Variants in CAPS2 observed in about 807,000 individuals in gnomAD.
The protein encoded by CAPS2 is calcyphosine 2.
In CAPS2, 98 loss-of-function variants were observed where a neutral mutation model predicts 86.5. The ratio of observed to expected loss-of-function variants is 1.13; its 90% CI spans 0.96 to 1.34. CAPS2 has a LOEUF of 1.34. Among genes scored for constraint, CAPS2 ranks in the 40% most tolerant of loss-of-function variants. The pLI, the probability that CAPS2 is intolerant of heterozygous loss-of-function variation, is 0.00. For synonymous variants in CAPS2, 210 were observed against 225.1 expected (o/e 0.93, Z 0.60); for missense variants, 729 against 686.8 (o/e 1.06, Z -0.69).
chr12:75,290,128 A>G (rs2035585299), intron 13 of CAPS2, among the ~76,000 whole-genome samples: 1 of 152,132 alleles, frequency 6.6e-6, no homozygotes, highest in African/African-American at 2.4e-5. Flanking sequence ...ACCACCCCAT[A>G]TCTTTAATCT....
Position 75,369,766 on chromosome 12 carries a change from A to G in CAPS2, c.-395+21072T>C, listed in dbSNP as rs908503526. Reference sequence around the variant, plus strand: ...AGGTGTTTTAGAAATATTTGTTGACATAACACTGTTGGTAGGAAGCATCGT... The same window carrying G: ...AGGTGTTTTAGAAATATTTGTTGACGTAACACTGTTGGTAGGAAGCATCGT... On this transcript the variant is annotated intron_variant, in intron 1 of 5. Transcript: ENST00000551829. The G allele has an allele frequency of 2.3e-5, 23 of 984,664 alleles. No individual in the cohort carries two copies. The Admixed American group carries it at 3.7e-4, about 16-fold the overall frequency. The allele number at this position is 984,664 out of a possible 1,614,324, so 61.0% of individuals were successfully genotyped here.
intron 16 of CAPS2, among the ~76,000 whole-genome samples, chr12:75,281,876 TC>T (rs1367379654): frequency 6.6e-6 from 1 of 152,110 alleles, no homozygotes; most frequent in Non-Finnish European, 1.5e-5. Flanking sequence ...AGAAAGACAC[TC>T]CTTCATTCTG....
intron 1 of CAPS2, among the ~76,000 whole-genome samples, chr12:75,342,061 C>A (rs2042160253): frequency 6.6e-6 from 1 of 152,086 alleles, no homozygotes; most frequent in Non-Finnish European, 1.5e-5. Context: ...ATACAACATT[C>A]TTGAAATAAC....
chr12:75,298,174 C>T (rs1019015218), intron 11 of CAPS2: 2 of 156,456 alleles, frequency 1.3e-5, no homozygotes, highest in African/African-American at 4.8e-5. Flanking sequence ...CAAACTGTAA[C>T]ATTATCTATG....
At chr12:75,366,176 T>C (rs1468287104) in intron 1 of CAPS2, among the ~76,000 whole-genome samples, 2 of 152,180 alleles carry the variant, frequency 1.3e-5, no homozygotes, top group African/African-American at 4.8e-5. Context: ...TAAGCCAGTT[T>C]GGTACCTTGT....
At chr12:75,298,438 C>A in intron 11 of CAPS2, 1 of 462,140 alleles carries the variant, frequency 2.2e-6, no homozygotes, top group East Asian at 3.1e-5. Flanking sequence ...TGGAGACAAC[C>A]CATGTTGTGG....
chr12:75,350,833 G>T (rs1385178167), intron 1 of CAPS2, among the ~76,000 whole-genome samples: 2 of 152,180 alleles, frequency 1.3e-5, no homozygotes, highest in Non-Finnish European at 2.9e-5. Flanking sequence ...GCACAGAACT[G>T]GGATGAGGCT....
chr12:75,387,640 G>A (rs2045359770), intron 1 of CAPS2, among the ~76,000 whole-genome samples: 1 of 152,118 alleles, frequency 6.6e-6, no homozygotes, highest in African/African-American at 2.4e-5. Flanking sequence ...CAAAGTCAAG[G>A]GGCCATATCT....
intron 1 of CAPS2, among the ~76,000 whole-genome samples, chr12:75,383,745 T>A (rs1045926490): frequency 6.6e-6 from 1 of 152,160 alleles, no homozygotes; most frequent in Non-Finnish European, 1.5e-5. Flanking sequence ...CGAGCTCATA[T>A]GAAACATTTA....
At chr12:75,341,511 G>C (rs902245255) in intron 1 of CAPS2, among the ~76,000 whole-genome samples, 1 of 151,902 alleles carries the variant, frequency 6.6e-6, no homozygotes, top group African/African-American at 2.4e-5. Flanking sequence ...CAGTGGCGCT[G>C]TCTCGGCTCA....
chr12:75,344,071 A>G lies in CAPS2; in HGVS notation c.-394-20849T>C. The G allele has an allele frequency of 6.1e-6, 4 of 651,192 alleles. No individual in the cohort carries two copies. The South Asian group carries it at 9.2e-5, about 15-fold the overall frequency. 40.3% of individuals were successfully genotyped at this position (651,192 alleles called of 1,614,324 possible). On this transcript the variant is annotated intron_variant, in intron 1 of 5. Transcript: ENST00000551829. ...ATTTTTTCCTTTATCATAGGTCTTG[A>G]GCAATTTAATAATAATATACCAAAG...
At chr12:75,329,075 T>G (rs2139130927), upstream of CAPS2, among the ~76,000 whole-genome samples, 1 of 152,330 alleles carries the variant, frequency 6.6e-6, no homozygotes, top group East Asian at 1.9e-4. Flanking sequence ...TGTACTTCGC[T>G]AAATGTTTGC....
chr12:75,343,593 AAAT>A lies in CAPS2; in HGVS notation c.-394-20374_-394-20372del, dbSNP rs2042257767. 9 of 904,114 alleles carry A rather than the reference AAAT, an allele frequency of 1.0e-5. No individual in the cohort carries two copies. In the South Asian group the frequency reaches 1.8e-4, roughly 18 times the overall value. The allele number at this position is 904,114 out of a possible 1,614,324, so 56.0% of individuals were successfully genotyped here. On this transcript the variant is annotated intron_variant, in intron 1 of 5. Coordinates refer to the CAPS2 transcript ENST00000551829. ...ACCAAAGAAAAACTACATCTTATTAAAATAATAAATTTAAGCAAAACTTAGTTG... is the reference window on the plus strand; with the variant it reads ...ACCAAAGAAAAACTACATCTTATTAAAATAAATTTAAGCAAAACTTAGTTG...
intron 1 of CAPS2, among the ~76,000 whole-genome samples, chr12:75,380,039 A>G (rs2044873785): frequency 6.6e-6 from 1 of 152,010 alleles, no homozygotes; most frequent in Non-Finnish European, 1.5e-5. Flanking sequence ...TGTATTATGT[A>G]TATTTTTATA....
At chr12:75,301,038 A>C (rs927624473) in intron 8 of CAPS2, among the ~76,000 whole-genome samples, 3 of 152,244 alleles carry the variant, frequency 2.0e-5, no homozygotes, top group Non-Finnish European at 4.4e-5. Flanking sequence ...GCCTTCAGAC[A>C]GTACTGAATG....
intron 8 of CAPS2, among the ~76,000 whole-genome samples, chr12:75,302,997 A>C (rs2038001044): frequency 6.6e-6 from 1 of 152,236 alleles, no homozygotes; most frequent in African/African-American, 2.4e-5. Context: ...ATGGATACTA[A>C]GTGGTCCAAC....
At chr12:75,324,643 G>T (rs12318506) in intron 2 of CAPS2, among the ~76,000 whole-genome samples, 12,910 of 151,940 alleles carry the variant, frequency 0.085, 767 homozygotes, top group African/African-American at 0.18. Flanking sequence ...TTGATCTTCA[G>T]AAATGTCAAT....
chr12:75,322,424 G>A (rs1379727225), intron 4 of CAPS2, among the ~76,000 whole-genome samples: 1 of 152,120 alleles, frequency 6.6e-6, no homozygotes, highest in Non-Finnish European at 1.5e-5. Flanking sequence ...CACAGGAGAA[G>A]GATGAAGCAA....
At chr12:75,314,037 A>C (rs1314520933) in intron 6 of CAPS2, among the ~76,000 whole-genome samples, 1 of 152,094 alleles carries the variant, frequency 6.6e-6, no homozygotes, top group African/African-American at 2.4e-5. Context: ...CTCATGCCTC[A>C]ACTTCCCGAG....
Sources: gnomAD v4.1 joint callset for allele counts (sites outside exome capture counted in the v4.1 genomes callset) on GRCh38, gnomAD v4.1.1 for gene constraint, MANE v1.5 for transcripts, NCBI Gene and HGNC (gene_info 2026-07-23, HGNC 2026-07-21) for gene names.